Variants in PEAK1 observed in about 807,000 individuals in gnomAD.
PEAK1 encodes the protein inactive tyrosine-protein kinase PEAK1.
Under a neutral mutation model 124.7 loss-of-function variants are expected in PEAK1, and 54 were observed. The ratio of observed to expected loss-of-function variants is 0.43; its 90% CI spans 0.35 to 0.54. The LOEUF (loss-of-function observed/expected upper bound fraction) is 0.54. Ranked by LOEUF, PEAK1 falls within the 20% of genes least tolerant of loss-of-function variation. The probability of loss-of-function intolerance (pLI) is 0.01; values close to 1 mark genes in which losing one functional copy is unlikely to be tolerated. For synonymous variants in PEAK1, 719 were observed against 760.0 expected (o/e 0.95, Z 0.89); for missense variants, 2,046 against 2,134.5 (o/e 0.96, Z 0.82).
At chr15:77,349,173 G>A (rs541239230) in intron 2 of PEAK1, 2 of 393,096 alleles carry the variant, frequency 5.1e-6, no homozygotes, top group African/African-American at 4.4e-5. Context: ...CCGAGTAGCT[G>A]GGACTACAGG....
chr15:77,253,246 G>GC (rs1555457259), intron 5 of PEAK1, among the ~76,000 whole-genome samples: 1 of 143,978 alleles, frequency 6.9e-6, no homozygotes, highest in African/African-American at 2.5e-5. Flanking sequence ...GGTATGCGTT[G>GC]GGGGGGGGGT....
intron 2 of PEAK1, among the ~76,000 whole-genome samples, chr15:77,319,750 C>G (rs866346369): frequency 6.6e-6 from 1 of 152,154 alleles, no homozygotes; most frequent in African/African-American, 2.4e-5. Context: ...AGTTCTACCC[C>G]ACAAGGCTAT....
intron 6 of PEAK1, among the ~76,000 whole-genome samples, chr15:77,200,009 T>C (rs2058286339): frequency 6.6e-6 from 1 of 152,114 alleles, no homozygotes. Flanking sequence ...AGCAAAAAAA[T>C]TCAGACAAAT....
At chr15:77,413,329 G>A (rs1172555690) in intron 1 of PEAK1, among the ~76,000 whole-genome samples, 4 of 152,146 alleles carry the variant, frequency 2.6e-5, no homozygotes, top group Non-Finnish European at 1.5e-5. Context: ...CCTGTTTCTA[G>A]TGCACGGACT....
At chr15:77,406,532 A>G (rs972031285) in intron 1 of PEAK1, among the ~76,000 whole-genome samples, 1 of 152,188 alleles carries the variant, frequency 6.6e-6, no homozygotes, top group Non-Finnish European at 1.5e-5. Context: ...CTTTTATAAT[A>G]GCTGCAAAAA....
chr15:77,298,914 TG>T (rs2063649953), intron 2 of PEAK1, among the ~76,000 whole-genome samples: 2 of 152,134 alleles, frequency 1.3e-5, no homozygotes, highest in Non-Finnish European at 2.9e-5. Flanking sequence ...GGTGCCTAGG[TG>T]GGGAGAAGGC....
At chr15:77,228,936 A>T (rs576141467) in intron 6 of PEAK1, among the ~76,000 whole-genome samples, 1 of 152,248 alleles carries the variant, frequency 6.6e-6, no homozygotes, top group East Asian at 1.9e-4. Context: ...TAGAAGACTT[A>T]GTTCTGCCAT....
intron 1 of PEAK1, among the ~76,000 whole-genome samples, chr15:77,412,225 C>G (rs1026718270): frequency 2.6e-5 from 4 of 152,164 alleles, no homozygotes; most frequent in Non-Finnish European, 4.4e-5. Context: ...ACTGACAAGT[C>G]CCAAATGTAA....
intron 1 of PEAK1, among the ~76,000 whole-genome samples, chr15:77,409,061 A>G (rs1000496047): frequency 6.6e-6 from 1 of 152,096 alleles, no homozygotes; most frequent in Non-Finnish European, 1.5e-5. Context: ...ACGGAGTGAG[A>G]CCCCATCTCA....
In PEAK1 at chr15:77,236,070, C is replaced by T. The variant is rs187240338; in HGVS notation, c.-115+16297G>A. 2.0e-5 allele frequency among the ~76,000 whole-genome samples: 3 copies of T among 152,326 alleles called. No individual in the cohort carries two copies. The East Asian group carries it at 5.8e-4, about 29-fold the overall frequency. Reference sequence around the variant, plus strand: ...GCAGGGGCAGAGTCCTCATGAAGAACCTCTGCTAGGGCAGTGTGGAAAGGA... The same window carrying T: ...GCAGGGGCAGAGTCCTCATGAAGAATCTCTGCTAGGGCAGTGTGGAAAGGA... On this transcript the variant is annotated intron_variant, in intron 6 of 9. Coordinates refer to ENST00000682557, the MANE Select transcript of PEAK1 (RefSeq NM_001385026.1).
rs369446378 is a variant in PEAK1, at chr15:77,417,691, G to C, written c.-666+2315C>G. On this transcript the variant is annotated intron_variant, in intron 1 of 9. Transcript: ENST00000682557. ...TGGCAGGTATCAACACAAATGGCTA[G>C]GGCCCAGCACCCGTTCCACTTAAAC... The C allele has an allele frequency of 8.2e-5, 81 of 985,400 alleles. 1 individual carries two copies. In the African/African-American group the frequency reaches 1.3e-3, roughly 15 times the overall value. The allele number at this position is 985,400 out of a possible 1,614,324, so 61.0% of individuals were successfully genotyped here. A position where few individuals can be genotyped will look rare whatever the true frequency, so the allele number is the denominator to read the frequency against.
intron 6 of PEAK1, among the ~76,000 whole-genome samples, chr15:77,228,646 A>C (rs1232926082): frequency 6.6e-6 from 1 of 152,106 alleles, no homozygotes; most frequent in African/African-American, 2.4e-5. Flanking sequence ...GGGCCCAATT[A>C]TGACTTTTAT....
At chr15:77,350,876 C>A (rs369261439) in intron 2 of PEAK1, 2 of 985,112 alleles carry the variant, frequency 2.0e-6, no homozygotes, top group Non-Finnish European at 1.2e-6. Context: ...ATTTCTCAAT[C>A]ACCTTGGATA....
intron 5 of PEAK1, among the ~76,000 whole-genome samples, chr15:77,274,866 G>A (rs1439956472): frequency 6.6e-6 from 1 of 152,124 alleles, no homozygotes; most frequent in East Asian, 1.9e-4. Flanking sequence ...ACTTGCACAT[G>A]CATGTTTATA....
intron 1 of PEAK1, among the ~76,000 whole-genome samples, chr15:77,408,103 A>G (rs565258663): frequency 6.6e-6 from 1 of 151,092 alleles, no homozygotes; most frequent in Non-Finnish European, 1.5e-5. Context: ...ACACACATAT[A>G]TACATATATA....
chr15:77,345,242 C>G (rs2066799275), intron 2 of PEAK1, among the ~76,000 whole-genome samples: 1 of 152,040 alleles, frequency 6.6e-6, no homozygotes, highest in Non-Finnish European at 1.5e-5. Flanking sequence ...TGTTTTTTAT[C>G]GTGAAAGGGT....
At chr15:77,124,037 T>C (rs2052156800) in intron 9 of PEAK1, among the ~76,000 whole-genome samples, 1 of 152,262 alleles carries the variant, frequency 6.6e-6, no homozygotes, top group East Asian at 1.9e-4. Context: ...TTCCTCTTCC[T>C]ATTCGCTCTT....
intron 8 of PEAK1, among the ~76,000 whole-genome samples, chr15:77,152,291 T>C (rs1374678129): frequency 6.6e-6 from 1 of 152,122 alleles, no homozygotes; most frequent in East Asian, 1.9e-4. Flanking sequence ...TCTCTGTTTG[T>C]CTGTTATTGG....
chr15:77,241,611 G>A (rs188029683), intron 6 of PEAK1, among the ~76,000 whole-genome samples: 10 of 151,850 alleles, frequency 6.6e-5, no homozygotes, highest in East Asian at 3.9e-4. Context: ...GAATTAATAC[G>A]TATTTTAAGA....
Sources: allele counts gnomAD v4.1 joint callset (sites outside exome capture counted in the v4.1 genomes callset), GRCh38; gene constraint gnomAD v4.1.1; transcripts MANE v1.5; gene names NCBI Gene and HGNC (gene_info 2026-07-23, HGNC 2026-07-21).